MYRIP: variants seen among roughly 807,000 people sequenced by gnomAD.
MYRIP encodes the protein myosin VIIA and Rab interacting protein.
MYRIP carries 49 observed loss-of-function variants against 98.0 expected under a neutral mutation model. The ratio of observed to expected loss-of-function variants is 0.50; its 90% CI spans 0.40 to 0.63. The LOEUF (loss-of-function observed/expected upper bound fraction) is 0.63. Ranked by LOEUF, MYRIP falls within the 30% of genes least tolerant of loss-of-function variation. MYRIP has a pLI of 0.00. For synonymous variants in MYRIP, 404 were observed against 409.5 expected, an observed-to-expected ratio of 0.99 and a Z score of 0.16; for missense variants, 1,004 against 1,058.2, an observed-to-expected ratio of 0.95 and a Z score of 0.71.
chr3:39,909,811 G>A (rs545750798), intron 2 of MYRIP, among the ~76,000 whole-genome samples: 2 of 152,292 alleles, frequency 1.3e-5, no homozygotes, highest in Admixed American at 1.3e-4. Flanking sequence ...GTTACTAATA[G>A]CATTGAATAG....
At chr3:40,132,390 G>A (rs1949662792) in intron 3 of MYRIP, among the ~76,000 whole-genome samples, 1 of 150,340 alleles carries the variant, frequency 6.7e-6, no homozygotes, top group Non-Finnish European at 1.5e-5. Context: ...CTGTAGCTGT[G>A]AAACAAAAGA....
chr3:39,826,711 T>C (rs1350998277), intron 1 of MYRIP, among the ~76,000 whole-genome samples: 2 of 152,200 alleles, frequency 1.3e-5, no homozygotes, highest in Non-Finnish European at 2.9e-5. Flanking sequence ...GTCTAAATGA[T>C]CTGTCTAATG....
chr3:40,046,792 A>C (rs1013842072), intron 3 of MYRIP, among the ~76,000 whole-genome samples: 1 of 152,030 alleles, frequency 6.6e-6, no homozygotes, highest in Non-Finnish European at 1.5e-5. Flanking sequence ...TTATTAAAGT[A>C]TACTATACTG....
intron 8 of MYRIP, among the ~76,000 whole-genome samples, chr3:40,177,679 A>G (rs11714144): frequency 0.24 from 35,817 of 152,154 alleles, 4,522 homozygotes; most frequent in East Asian, 0.35. Context: ...CTTAAGACGC[A>G]ATATCCTAGA....
chr3:40,034,573 A>G (rs551519921), intron 2 of MYRIP, among the ~76,000 whole-genome samples: 2 of 150,814 alleles, frequency 1.3e-5, no homozygotes, highest in South Asian at 4.2e-4. Flanking sequence ...TCTGGAAACA[A>G]CAGGTGCTGG....
At chr3:39,991,409 G>A (rs545846708) in intron 2 of MYRIP, among the ~76,000 whole-genome samples, 2 of 152,348 alleles carry the variant, frequency 1.3e-5, no homozygotes, top group South Asian at 4.1e-4. Flanking sequence ...TGCCTTGGCT[G>A]TGACTTCCAA....
At chr3:40,236,487 G>A (rs1180207901) in intron 12 of MYRIP, among the ~76,000 whole-genome samples, 1 of 152,184 alleles carries the variant, frequency 6.6e-6, no homozygotes, top group Non-Finnish European at 1.5e-5. Flanking sequence ...GTCCCTTGAG[G>A]AGTTGTGTGT....
At chr3:40,131,461 G>T (rs1265783949) in intron 3 of MYRIP, among the ~76,000 whole-genome samples, 1 of 152,132 alleles carries the variant, frequency 6.6e-6, no homozygotes, top group African/African-American at 2.4e-5. Context: ...TGGGAAGCAG[G>T]TTCAAAGAGA....
chr3:39,979,997 G>A (rs180809253), intron 2 of MYRIP, among the ~76,000 whole-genome samples: 1 of 152,300 alleles, frequency 6.6e-6, no homozygotes, highest in East Asian at 1.9e-4. Flanking sequence ...ACATGCCAAT[G>A]GGGAGGCAGA....
chr3:39,881,245 G>A (rs1049553524), intron 1 of MYRIP, among the ~76,000 whole-genome samples: 5 of 151,836 alleles, frequency 3.3e-5, no homozygotes, highest in Non-Finnish European at 7.4e-5. Context: ...TGTTAGTTTT[G>A]TTCTTTGTCT....
intron 11 of MYRIP, among the ~76,000 whole-genome samples, chr3:40,215,553 T>C (rs1357823987): frequency 6.6e-6 from 1 of 152,196 alleles, no homozygotes; most frequent in South Asian, 2.1e-4. Flanking sequence ...GACTGTTGTC[T>C]GAGAAAACCC....
At chr3:40,166,443 G>A (rs760663041) in intron 5 of MYRIP, among the ~76,000 whole-genome samples, 3 of 152,098 alleles carry the variant, frequency 2.0e-5, no homozygotes, top group Non-Finnish European at 4.4e-5. Flanking sequence ...CCGGGGGTAT[G>A]GAGCCTTTTT....
chr3:40,016,189 A>G (rs1575466493), intron 2 of MYRIP, among the ~76,000 whole-genome samples: 1 of 152,004 alleles, frequency 6.6e-6, no homozygotes, highest in East Asian at 1.9e-4. Flanking sequence ...TGACTACTGC[A>G]TTTTTATCTT....
chr3:39,869,382 T>C (rs189052594), intron 1 of MYRIP, among the ~76,000 whole-genome samples: 281 of 152,356 alleles, frequency 1.8e-3, no homozygotes, highest in Non-Finnish European at 2.7e-3. Context: ...GTTGCACTTT[T>C]CAACTCCAGA....
At chr3:39,995,805 A>G (rs1049356190) in intron 2 of MYRIP, among the ~76,000 whole-genome samples, 4 of 152,226 alleles carry the variant, frequency 2.6e-5, no homozygotes, top group African/African-American at 9.6e-5. Context: ...GGTTACCCAC[A>G]AAGGGAAGCC....
chr3:39,905,304 C>T (rs1343697491), intron 2 of MYRIP, among the ~76,000 whole-genome samples: 1 of 152,184 alleles, frequency 6.6e-6, no homozygotes, highest in Non-Finnish European at 1.5e-5. Flanking sequence ...CCTGGCATGA[C>T]CTTCATAAAT....
chr3:40,035,585 A>C (rs1947361928), intron 2 of MYRIP, among the ~76,000 whole-genome samples: 1 of 152,036 alleles, frequency 6.6e-6, no homozygotes, highest in South Asian at 2.1e-4. Flanking sequence ...GGGGGCGTAA[A>C]AGAAGTATAT....
chr3:40,134,064 C>T (rs573466964), intron 3 of MYRIP, among the ~76,000 whole-genome samples: 14 of 152,214 alleles, frequency 9.2e-5, no homozygotes, highest in Middle Eastern at 3.4e-3. Flanking sequence ...GTGCACCCTG[C>T]GTGAGCCGAA....
chr3:40,105,462 G>A (rs1015280792), intron 3 of MYRIP, among the ~76,000 whole-genome samples: 1 of 152,098 alleles, frequency 6.6e-6, no homozygotes, highest in Non-Finnish European at 1.5e-5. Context: ...AGGCCTTAGG[G>A]AGCCTTTACT....
Sources: allele counts gnomAD v4.1 joint callset (sites outside exome capture counted in the v4.1 genomes callset), GRCh38; gene constraint gnomAD v4.1.1; transcripts MANE v1.5; gene names NCBI Gene and HGNC (gene_info 2026-07-23, HGNC 2026-07-21).